The following DISP2 variants were observed in gnomAD, a reference collection of about 807,000 sequenced individuals.
DISP2 encodes the protein dispatched RND transporter family member 2, also known as protein dispatched homolog 2.
A neutral mutation model predicts 95.5 loss-of-function variants in DISP2; 59 were observed. The observed-to-expected ratio is 0.62, with a 90% CI of 0.50 to 0.77. The LOEUF (loss-of-function observed/expected upper bound fraction) is 0.77, where lower values mean the gene tolerates loss of function less well. Among genes scored for constraint, DISP2 ranks in the 30% least tolerant of loss-of-function variants. The pLI, the probability that DISP2 is intolerant of heterozygous loss-of-function variation, is 0.00. For missense variants in DISP2, 1,752 were observed against 1,854.6 expected (o/e 0.94, Z 1.02); for synonymous variants, 827 against 815.0 (o/e 1.01, Z -0.25).
Position 40,375,842 on chromosome 15 carries a change from T to G in DISP2, c.*5524T>G, listed in dbSNP as rs1889725076. On this transcript the variant is annotated 3_prime_UTR_variant, in exon 8 of 8. Coordinates refer to ENST00000267889, the MANE Select transcript of DISP2 (RefSeq NM_033510.3). The stretch of plus-strand genomic sequence containing the variant: ...CCGCCTTCTCCATATGTTCCCCTCC[T>G]TATATTGGTGGGCCTAAGAAGCCAC... 1 of 152,282 alleles carries G rather than the reference T, an allele frequency of 6.6e-6. No homozygotes were observed. Among genetic ancestry groups the G allele is most frequent in the African/African-American group, 2.4e-5 (1 of 41,448 alleles). 9.4% of individuals were successfully genotyped at this position (152,282 alleles called of 1,614,324 possible). A position where few individuals can be genotyped will look rare whatever the true frequency, so the allele number is the denominator to read the frequency against.
chr15:40,366,983 A>C (rs1889506197), intron 7 of DISP2, 75 bp from the exon 8 acceptor site: 1 of 1,542,686 alleles, frequency 6.5e-7, no homozygotes, highest in East Asian at 2.3e-5. Flanking sequence ...GAGATGAGAG[A>C]GCCTTGTATA....
chr15:40,365,537 C>T (rs191409185), intron 6 of DISP2, 91 bp from the exon 7 acceptor site: 1 of 1,454,924 alleles, frequency 6.9e-7, no homozygotes, highest in African/African-American at 1.4e-5. Flanking sequence ...GAATCTGAAC[C>T]TCATGTGGCC....
chr15:40,365,661 C>T lies in DISP2; in HGVS notation c.881C>T (p.Thr294Ile). ...TATGCAAAGCTGGTGTTCATGTCCA[C>T]CTCCTCGGGCAGCCTATGGAACCTG... ...KSYAKLVFMS[T>I]SSGSLWNLHA... Residue 294 changes from threonine to isoleucine, a missense_variant, in exon 7 of 8, where the codon ACC becomes ATC. By Grantham distance (89) the Thr-to-Ile change is moderately conservative. Around this residue, in one of 5 missense-constraint regions of DISP2, gnomAD observed 14 missense variants for 36.6 expected, o/e 0.38. Coordinates refer to ENST00000267889, the MANE Select transcript of DISP2 (RefSeq NM_033510.3). 2 of 1,614,132 alleles carry T rather than the reference C, an allele frequency of 1.2e-6. No homozygotes were observed. Among genetic ancestry groups the T allele is most frequent in the African/African-American group, 2.7e-5 (2 of 75,012 alleles).
In DISP2 at chr15:40,367,308, C is replaced by T; in HGVS notation, c.1196C>T (p.Pro399Leu). The T allele has an allele frequency of 6.2e-7, 1 of 1,613,674 alleles. No homozygotes were observed. The highest frequency in any genetic ancestry group is 8.5e-7 in the Non-Finnish European group (1 of 1,179,922). Reference protein sequence around the residue: ...QNKSPRCAQVPTKCSQSSAIY... With the variant: ...QNKSPRCAQVLTKCSQSSAIY... The stretch of plus-strand genomic sequence containing the variant: ...AAGTCCCCACGCTGTGCCCAGGTTC[C>T]CACCAAGTGCTCCCAGAGTAGTGCC... The change falls in exon 8 of 8, where the codon CCC becomes CTC. Residue 399 changes from proline to leucine, a missense_variant. Pro to Leu is a moderately conservative substitution (Grantham distance 98). Coordinates refer to ENST00000267889, the MANE Select transcript of DISP2 (RefSeq NM_033510.3).
Position 40,370,434 on chromosome 15 carries a change from C to T in DISP2, c.*116C>T. ...CCAGATCCACAGGGAGAGGTCTCACCCTCCAGCTGTGGATGTTAAACCCTG... is the reference window on the plus strand; with the variant it reads ...CCAGATCCACAGGGAGAGGTCTCACTCTCCAGCTGTGGATGTTAAACCCTG... On this transcript the variant is annotated 3_prime_UTR_variant, in exon 8 of 8. Transcript: ENST00000267889. 1 of 1,441,062 alleles carries T rather than the reference C, an allele frequency of 6.9e-7. No individual in the cohort carries two copies. Among genetic ancestry groups the T allele is most frequent in the Non-Finnish European group, 9.2e-7 (1 of 1,085,664 alleles). The allele number at this position is 1,441,062 out of a possible 1,614,324, so 89.3% of individuals were successfully genotyped here.
rs184601076 is a variant in DISP2, at chr15:40,363,188, T to G, written c.120-437T>G. ...TTAGCGAGTCGTGATGGCGGGCACCTGTAATCCCAGCTACTCAGGAGGCTG... is the reference window on the plus strand; with the variant it reads ...TTAGCGAGTCGTGATGGCGGGCACCGGTAATCCCAGCTACTCAGGAGGCTG... On this transcript the variant is annotated intron_variant, in intron 1 of 7. Coordinates refer to ENST00000267889, the MANE Select transcript of DISP2 (RefSeq NM_033510.3). Among the ~76,000 whole-genome samples the G allele has an allele frequency of 3.7e-3, 555 of 151,310 alleles. 3 individuals carry two copies. The highest frequency in any genetic ancestry group is 0.013 in the African/African-American group (531 of 41,110).
chr15:40,364,642 G>T lies in DISP2; in HGVS notation c.603+98G>T, dbSNP rs1449576264. The T allele has an allele frequency of 2.6e-6, 4 of 1,544,450 alleles. No homozygotes were observed. In the Admixed American group the frequency reaches 7.5e-5, roughly 29 times the overall value. ...GGTAGGGTAGCCATGGTAGCCTGGGGATAGGGTAGCCATGGTAGGCTCTTG... is the reference window on the plus strand; with the variant it reads ...GGTAGGGTAGCCATGGTAGCCTGGGTATAGGGTAGCCATGGTAGGCTCTTG... On this transcript the variant is annotated intron_variant, in intron 4 of 7. Transcript: ENST00000267889.
rs148627970 is a variant in DISP2 at position 40,367,298 on chromosome 15, G to A, written c.1186G>A (p.Ala396Thr). 8.0e-5 allele frequency: 129 copies of A among 1,613,682 alleles called. No individual in the cohort carries two copies. The African/African-American group carries it at 1.6e-3, about 20-fold the overall frequency. ...TGGGCAGAACAAGTCCCCACGCTGT[G>A]CCCAGGTTCCCACCAAGTGCTCCCA... ...GPGQNKSPRC[A>T]QVPTKCSQSS... The change falls in exon 8 of 8, where the codon GCC becomes ACC. Residue 396 changes from alanine to threonine, a missense_variant. Coordinates refer to ENST00000267889, the MANE Select transcript of DISP2 (RefSeq NM_033510.3).
chr15:40,369,612 C>T lies in DISP2; in HGVS notation c.3500C>T (p.Pro1167Leu). 6.2e-7 allele frequency: 1 copy of T among 1,611,654 alleles called. No homozygotes were observed. The highest frequency in any genetic ancestry group is 1.6e-4 in the Middle Eastern group (1 of 6,062). ...GSCSEQYELQ[P>L]LARRRSPSFD... ...TGCTCAGAGCAATATGAGCTACAGC[C>T]CCTGGCACGGCGTCGGAGCCCCAGC... The change falls in exon 8 of 8, where the codon CCC becomes CTC. Residue 1167 changes from proline (P) to leucine (L), a missense_variant. This residue lies in a region of DISP2 where 347 missense variants were observed against 344.2 expected (regional missense o/e 1.01). Transcript: ENST00000267889.
rs1432080433 is a variant in DISP2 at position 40,375,965 on chromosome 15, A to T, written c.*5647A>T. 1 of 152,154 alleles carries T rather than the reference A, an allele frequency of 6.6e-6. No homozygotes were observed. Among genetic ancestry groups the T allele is most frequent in the South Asian group, 2.1e-4 (1 of 4,812 alleles). 9.4% of individuals were successfully genotyped at this position (152,154 alleles called of 1,614,324 possible). A position where few individuals can be genotyped will look rare whatever the true frequency, so the allele number is the denominator to read the frequency against. On this transcript the variant is annotated 3_prime_UTR_variant, in exon 8 of 8. Transcript: ENST00000267889. The stretch of plus-strand genomic sequence containing the variant: ...GGCTCCTTGCTCTGCGCTGTAAAAA[A>T]CAAATAAAAGGGCCACTTGAGAATG...
rs1566917336 is a variant in DISP2, at chr15:40,369,192, G to C, written c.3080G>C (p.Gly1027Ala). 4 of 1,613,764 alleles carry C rather than the reference G, an allele frequency of 2.5e-6. No individual in the cohort carries two copies. Among genetic ancestry groups the C allele is most frequent in the Non-Finnish European group, 3.4e-6 (4 of 1,180,046 alleles). Residue 1027 changes from glycine to alanine, a missense_variant, in exon 8 of 8, where the codon GGC becomes GCC. Physicochemically the swap from Gly to Ala is moderately conservative, Grantham distance 60 (BLOSUM62 0). Around this residue, in one of 5 missense-constraint regions of DISP2, gnomAD observed 317 missense variants for 394.9 expected, o/e 0.80. Coordinates refer to ENST00000267889, the MANE Select transcript of DISP2 (RefSeq NM_033510.3). ...AEALFLSASV[G>A]LSVDFTVNYC... ...GCCCTGTTTCTCTCTGCCTCAGTGGGCCTCTCAGTAGACTTCACTGTCAAC... is the reference window on the plus strand; with the variant it reads ...GCCCTGTTTCTCTCTGCCTCAGTGGCCCTCTCAGTAGACTTCACTGTCAAC...
Position 40,369,151 on chromosome 15 carries a change from G to A in DISP2, c.3039G>A (p.Gln1013=). The A allele has an allele frequency of 6.2e-7, 1 of 1,613,882 alleles. No homozygotes were observed. Among genetic ancestry groups the A allele is most frequent in the East Asian group, 2.2e-5 (1 of 44,880 alleles). ...TVGLLVLLEW[Q]LNTAEALFLS... is the part of the protein sequence containing the mutation. ...GACTCCTGGTTCTCCTCGAGTGGCA[G>A]CTCAACACTGCCGAGGCCCTGTTTC... Residue 1013 remains glutamine (Q), a synonymous_variant, in exon 8 of 8, where the codon CAG becomes CAA. Coordinates refer to ENST00000267889, the MANE Select transcript of DISP2 (RefSeq NM_033510.3).
chr15:40,370,498 C>G lies in DISP2; in HGVS notation c.*180C>G. 1.7e-6 allele frequency: 2 copies of G among 1,148,616 alleles called. No individual in the cohort carries two copies. Among genetic ancestry groups the G allele is most frequent in the Non-Finnish European group, 2.5e-6 (2 of 803,564 alleles). 71.2% of individuals were successfully genotyped at this position (1,148,616 alleles called of 1,614,324 possible). On this transcript the variant is annotated 3_prime_UTR_variant, in exon 8 of 8. Transcript: ENST00000267889. ...CCTTGATCTGTCTGCTCCTACTCCTCACATCTGGAGGATTCCAGCAGGAGG... is the reference window on the plus strand; with the variant it reads ...CCTTGATCTGTCTGCTCCTACTCCTGACATCTGGAGGATTCCAGCAGGAGG...
At chr15:40,360,994 T>C (rs1004974122) in intron 1 of DISP2, among the ~76,000 whole-genome samples, 1 of 152,218 alleles carries the variant, frequency 6.6e-6, no homozygotes, top group Admixed American at 6.5e-5. Context: ...TGTCCACACT[T>C]ACACACACAA....
intron 1 of DISP2, among the ~76,000 whole-genome samples, chr15:40,361,861 T>G (rs1454946596): frequency 1.3e-5 from 2 of 152,106 alleles, no homozygotes; most frequent in Admixed American, 6.5e-5. Context: ...CTACACAAAC[T>G]CTGGTGAGCA....
rs1595731898 is a variant in DISP2 at position 40,372,617 on chromosome 15, G to C, written c.*2299G>C. Reference sequence around the variant, plus strand: ...GCTGGGACCTCTCTCTTCATGTCCAGGTAGCATTCGGCCTCTCTGACCTAG... The same window carrying C: ...GCTGGGACCTCTCTCTTCATGTCCACGTAGCATTCGGCCTCTCTGACCTAG... On this transcript the variant is annotated 3_prime_UTR_variant, in exon 8 of 8. Transcript: ENST00000267889. The C allele has an allele frequency of 6.6e-6, 1 of 152,218 alleles. No individual in the cohort carries two copies. 9.4% of individuals were successfully genotyped at this position (152,218 alleles called of 1,614,324 possible).
chr15:40,361,164 A>T (rs1490965793), intron 1 of DISP2, among the ~76,000 whole-genome samples: 1 of 152,252 alleles, frequency 6.6e-6, no homozygotes, highest in African/African-American at 2.4e-5. Flanking sequence ...CTAAATGTTG[A>T]GTTTGTAAAA....
At position 40,365,204 on chromosome 15, in the gene DISP2, T is replaced by C. The variant is rs1199385477; in HGVS notation, c.777T>C (p.Ala259=). The change falls in exon 6 of 8, where the codon GCT becomes GCC. Residue 259 remains alanine, a synonymous_variant. Coordinates refer to ENST00000267889, the MANE Select transcript of DISP2 (RefSeq NM_033510.3). ...PAPRGSAQES[A]VRPRRMVEPL... is the part of the protein sequence containing the mutation. ...CCAGAGGCAGTGCCCAGGAGAGCGC[T>C]GTCCGGCCTCGGAGAATGGTGGAGC... 1 of 1,614,170 alleles carries C rather than the reference T, an allele frequency of 6.2e-7. No individual in the cohort carries two copies. The highest frequency in any genetic ancestry group is 1.7e-5 in the Admixed American group (1 of 60,030).
Position 40,368,977 on chromosome 15 carries a change from C to T in DISP2, c.2865C>T (p.Ser955=), listed in dbSNP as rs1357833145. The T allele has an allele frequency of 6.2e-7, 1 of 1,613,908 alleles. No individual in the cohort carries two copies. ...TCACTAGCCGTCTAGAGCTGTATAG[C>T]CTGCAGCACAGCCTGAGCACTGAGC... ...GWFTSRLELY[S]LQHSLSTEPA... The change falls in exon 8 of 8, where the codon AGC becomes AGT. Residue 955 remains serine (S), a synonymous_variant. Transcript: ENST00000267889.
Sources: allele counts gnomAD v4.1 joint callset (sites outside exome capture counted in the v4.1 genomes callset), GRCh38; gene constraint gnomAD v4.1.1; regional missense constraint gnomAD v4.1.1; transcripts MANE v1.5; gene names NCBI Gene and HGNC (gene_info 2026-07-23, HGNC 2026-07-21).